Variants in SLIT3 observed in about 807,000 individuals in gnomAD.
The protein encoded by SLIT3 is slit guidance ligand 3, also known as slit homolog 3 protein.
In SLIT3, 68 loss-of-function variants were observed where a neutral mutation model predicts 184.0. The ratio of observed to expected loss-of-function variants is 0.37; its 90% CI spans 0.30 to 0.45. SLIT3 has a LOEUF of 0.45. Ranked by LOEUF, SLIT3 falls within the 20% of genes least tolerant of loss-of-function variation. The pLI, the probability that SLIT3 is intolerant of heterozygous loss-of-function variation, is 1.00. For missense variants in SLIT3, 1,707 were observed against 2,026.0 expected (o/e 0.84, Z 3.02); for synonymous variants, 831 against 828.6 (o/e 1.00, Z -0.05).
intron 12 of SLIT3, among the ~76,000 whole-genome samples, chr5:168,782,131 T>C (rs895841054): frequency 6.6e-6 from 1 of 152,194 alleles, no homozygotes; most frequent in Non-Finnish European, 1.5e-5. Flanking sequence ...GTAATTGGCA[T>C]GTTGCTTGGC....
intron 4 of SLIT3, among the ~76,000 whole-genome samples, chr5:168,932,811 A>G (rs916057173): frequency 6.6e-6 from 1 of 152,246 alleles, no homozygotes; most frequent in Admixed American, 6.5e-5. Flanking sequence ...TGTAAAGACT[A>G]GCAGCCTAGG....
intron 5 of SLIT3, among the ~76,000 whole-genome samples, chr5:168,871,747 A>G (rs1012814787): frequency 3.9e-5 from 6 of 152,206 alleles, no homozygotes; most frequent in African/African-American, 1.4e-4. Flanking sequence ...AAAAGCAGCA[A>G]TAATAATTAC....
At chr5:169,222,874 G>A (rs549393838) in intron 3 of SLIT3, among the ~76,000 whole-genome samples, 12 of 152,134 alleles carry the variant, frequency 7.9e-5, no homozygotes, top group African/African-American at 2.4e-4. Context: ...CCAGCCCACC[G>A]TTGACCAAAG....
chr5:169,194,623 G>A (rs1175014230), intron 3 of SLIT3, among the ~76,000 whole-genome samples: 2 of 152,002 alleles, frequency 1.3e-5, no homozygotes, highest in Non-Finnish European at 2.9e-5. Flanking sequence ...ACATTTTCAT[G>A]GGCCCCTAAC....
chr5:168,878,659 TA>T (rs1337931800), intron 5 of SLIT3, among the ~76,000 whole-genome samples: 1 of 152,038 alleles, frequency 6.6e-6, no homozygotes, highest in Non-Finnish European at 1.5e-5. Flanking sequence ...TTTACCAACT[TA>T]TACACATTGA....
intron 4 of SLIT3, among the ~76,000 whole-genome samples, chr5:169,142,827 C>T (rs1335960067): frequency 1.3e-5 from 2 of 152,206 alleles, no homozygotes; most frequent in Non-Finnish European, 2.9e-5. Context: ...GTAATTGGTC[C>T]ACGTGATAGG....
At chr5:168,941,633 C>T (rs1762335715) in intron 4 of SLIT3, among the ~76,000 whole-genome samples, 1 of 152,088 alleles carries the variant, frequency 6.6e-6, no homozygotes, top group Non-Finnish European at 1.5e-5. Context: ...TCTGACTTGC[C>T]CTTTCAGGTA....
chr5:169,075,199 T>C (rs757132002), intron 4 of SLIT3, among the ~76,000 whole-genome samples: 1 of 152,060 alleles, frequency 6.6e-6, no homozygotes. Context: ...TTTGGGATGA[T>C]GGTGGGGTTT....
intron 4 of SLIT3, among the ~76,000 whole-genome samples, chr5:168,990,709 T>C (rs769432879): frequency 5.9e-5 from 9 of 152,114 alleles, no homozygotes; most frequent in African/African-American, 4.8e-5. Flanking sequence ...CGAATGGAGT[T>C]GTGTGCAGGT....
At chr5:168,674,927 A>G (rs921610788) in intron 32 of SLIT3, among the ~76,000 whole-genome samples, 1 of 152,138 alleles carries the variant, frequency 6.6e-6, no homozygotes, top group Non-Finnish European at 1.5e-5. Context: ...CAATAATTCT[A>G]TGAAGTGGGT....
intron 14 of SLIT3, among the ~76,000 whole-genome samples, chr5:168,763,428 T>C (rs570800646): frequency 6.0e-4 from 92 of 152,318 alleles, no homozygotes; most frequent in African/African-American, 2.1e-3. Context: ...AATTCCAATT[T>C]AAAATGCCGC....
chr5:169,256,647 G>T, intron 1 of SLIT3, among the ~76,000 whole-genome samples: 1 of 152,288 alleles, frequency 6.6e-6, no homozygotes, highest in Non-Finnish European at 1.5e-5. Flanking sequence ...GGAGGAGAAA[G>T]CCACCTTCTG....
intron 16 of SLIT3, among the ~76,000 whole-genome samples, chr5:168,755,389 A>ATTTATTTCTTTCTTTCTTTCC (rs1213373035): frequency 7.5e-6 from 1 of 133,640 alleles, no homozygotes; most frequent in Admixed American, 7.9e-5. Context: ...CAGTGCCGCC[A>ATTTATTTCTTTCTTTCTTTCC]TTTCTTTCTT....
chr5:169,119,525 C>T (rs1329593098), intron 4 of SLIT3, among the ~76,000 whole-genome samples: 1 of 152,206 alleles, frequency 6.6e-6, no homozygotes, highest in East Asian at 1.9e-4. Context: ...ATGTTTATTT[C>T]GTGAAAACTG....
chr5:168,671,790 G>C (rs934475710), intron 33 of SLIT3, among the ~76,000 whole-genome samples: 4 of 152,152 alleles, frequency 2.6e-5, no homozygotes, highest in Non-Finnish European at 4.4e-5. Context: ...ATTGCCCTAT[G>C]ATCCCACTGG....
chr5:168,999,570 C>A (rs1217731999), intron 4 of SLIT3, among the ~76,000 whole-genome samples: 3 of 152,150 alleles, frequency 2.0e-5, no homozygotes, highest in African/African-American at 7.2e-5. Flanking sequence ...CTGATGAACT[C>A]CTCTGAAGGA....
At chr5:168,838,117 A>T (rs1758113551) in intron 6 of SLIT3, among the ~76,000 whole-genome samples, 1 of 152,232 alleles carries the variant, frequency 6.6e-6, no homozygotes, top group Non-Finnish European at 1.5e-5. Context: ...ACTAGTGCAT[A>T]TAATTGTTTC....
intron 4 of SLIT3, among the ~76,000 whole-genome samples, chr5:168,992,650 G>T (rs1055201717): frequency 1.3e-5 from 2 of 152,088 alleles, no homozygotes; most frequent in Non-Finnish European, 2.9e-5. Context: ...TCCTGCTCAG[G>T]CCTGGAGGGC....
At position 168,950,922 on chromosome 5, in the gene SLIT3, A is replaced by T. The variant is rs567836896; in HGVS notation, c.414-67586T>A. 3.9e-5 allele frequency among the ~76,000 whole-genome samples: 6 copies of T among 152,360 alleles called. 1 individual carries two copies. The South Asian group carries it at 1.2e-3, about 32-fold the overall frequency. On this transcript the variant is annotated intron_variant, in intron 4 of 35. Coordinates refer to ENST00000519560, the MANE Select transcript of SLIT3 (RefSeq NM_003062.4). Reference sequence around the variant, plus strand: ...TCACAATTCGATATATAAATATGAAAACAAACACCAAACCTGAGCCAGGCA... The same window carrying T: ...TCACAATTCGATATATAAATATGAATACAAACACCAAACCTGAGCCAGGCA...
Sources: gnomAD v4.1 joint callset for allele counts (sites outside exome capture counted in the v4.1 genomes callset) on GRCh38, gnomAD v4.1.1 for gene constraint, MANE v1.5 for transcripts, NCBI Gene and HGNC (gene_info 2026-07-23, HGNC 2026-07-21) for gene names.